The following STK32C variants were observed in gnomAD, a reference collection of about 807,000 sequenced individuals.
STK32C encodes the protein serine/threonine-protein kinase 32C.
In STK32C, 31 loss-of-function variants were observed where a neutral mutation model predicts 56.5. The observed-to-expected ratio is 0.55, with a 90% CI of 0.41 to 0.74. The LOEUF is 0.74. Ranked by LOEUF, STK32C falls within the 30% of genes least tolerant of loss-of-function variation. The probability of loss-of-function intolerance (pLI) is 0.00; values close to 1 mark genes in which losing one functional copy is unlikely to be tolerated. For synonymous variants in STK32C, 309 were observed against 289.4 expected, an observed-to-expected ratio of 1.07 and a Z score of -0.69; for missense variants, 544 against 676.9, an observed-to-expected ratio of 0.80 and a Z score of 2.18.
intron 2 of STK32C, among the ~76,000 whole-genome samples, chr10:132,241,350 A>C (rs2063494514): frequency 6.6e-6 from 1 of 152,220 alleles, no homozygotes; most frequent in African/African-American, 2.4e-5. Context: ...ACAATTTAAC[A>C]CTGGGAAAAG....
At chr10:132,309,809 C>T (rs1357635839), upstream of STK32C, among the ~76,000 whole-genome samples, 2 of 152,204 alleles carry the variant, frequency 1.3e-5, no homozygotes, top group African/African-American at 4.8e-5. Context: ...TCTGAACTTA[C>T]ATCATCGCCT....
intron 1 of STK32C, among the ~76,000 whole-genome samples, chr10:132,325,888 A>G (rs1483953793): frequency 1.3e-5 from 2 of 151,722 alleles, no homozygotes; most frequent in African/African-American, 2.4e-5. Context: ...CGCCCAGCTA[A>G]TTTTTTGTAT....
At chr10:132,222,294 A>C (rs2062704206) in intron 10 of STK32C, among the ~76,000 whole-genome samples, 1 of 150,528 alleles carries the variant, frequency 6.6e-6, no homozygotes, top group Non-Finnish European at 1.5e-5. Context: ...CCCGGCACAC[A>C]TACCTGATGC....
intron 2 of STK32C, among the ~76,000 whole-genome samples, chr10:132,229,376 A>G (rs2063014209): frequency 6.6e-6 from 1 of 152,202 alleles, no homozygotes; most frequent in South Asian, 2.1e-4. Context: ...ACACACCCGT[A>G]GTCCCAGCTA....
At chr10:132,209,326 T>C (rs774614044) in intron 10 of STK32C, 1 of 710,210 alleles carries the variant, frequency 1.4e-6, no homozygotes, top group South Asian at 1.5e-5. Context: ...CCCAGCTCCC[T>C]TGCCTCTGGG....
chr10:132,300,142 C>T (rs997983789), intron 1 of STK32C, among the ~76,000 whole-genome samples: 1 of 152,266 alleles, frequency 6.6e-6, no homozygotes. Flanking sequence ...CTTCTGCGTT[C>T]GGAGGACGGA....
At chr10:132,256,898 C>T (rs1565117548) in intron 1 of STK32C, among the ~76,000 whole-genome samples, 1 of 152,220 alleles carries the variant, frequency 6.6e-6, no homozygotes, top group East Asian at 1.9e-4. Flanking sequence ...CCTCCTGAGT[C>T]CTGAACCCTG....
At chr10:132,301,054 G>A (rs975500220) in intron 1 of STK32C, among the ~76,000 whole-genome samples, 1 of 151,910 alleles carries the variant, frequency 6.6e-6, no homozygotes, top group Non-Finnish European at 1.5e-5. Context: ...CCCAGATTCA[G>A]CTCTGAGCTT....
intron 1 of STK32C, chr10:132,249,152 G>C (rs1016546123): frequency 9.3e-6 from 4 of 431,896 alleles, no homozygotes; most frequent in Middle Eastern, 7.3e-4. Flanking sequence ...GCAGGGGGCG[G>C]GGCGTGCAGG....
At chr10:132,284,039 G>A (rs2065299289) in intron 1 of STK32C, among the ~76,000 whole-genome samples, 1 of 151,962 alleles carries the variant, frequency 6.6e-6, no homozygotes, top group Non-Finnish European at 1.5e-5. Context: ...CAAATTCCAG[G>A]ACTTGCTGCT....
chr10:132,266,576 AG>A (rs1247568037), intron 1 of STK32C, among the ~76,000 whole-genome samples: 1 of 152,150 alleles, frequency 6.6e-6, no homozygotes, highest in African/African-American at 2.4e-5. Context: ...CTTTGGCAGC[AG>A]GAAACTGAGG....
chr10:132,221,355 G>A (rs1246354359), intron 10 of STK32C, among the ~76,000 whole-genome samples: 7 of 143,146 alleles, frequency 4.9e-5, no homozygotes, highest in East Asian at 2.1e-4. Flanking sequence ...GCACCTGGGC[G>A]AGTGTGAGGG....
chr10:132,265,889 C>A (rs2138103782), intron 1 of STK32C, among the ~76,000 whole-genome samples: 1 of 152,318 alleles, frequency 6.6e-6, no homozygotes, highest in Non-Finnish European at 1.5e-5. Context: ...CCTTGACCCA[C>A]ATGCTAGGGG....
intron 10 of STK32C, among the ~76,000 whole-genome samples, chr10:132,210,703 A>G (rs533833981): frequency 1.3e-5 from 2 of 152,350 alleles, no homozygotes; most frequent in African/African-American, 4.8e-5. Context: ...CGCCAAGATA[A>G]AGGACAAGCG....
chr10:132,303,176 T>A (rs1425345346), intron 1 of STK32C, among the ~76,000 whole-genome samples: 1 of 152,076 alleles, frequency 6.6e-6, no homozygotes, highest in African/African-American at 2.4e-5. Context: ...AGGCCTCAGA[T>A]CCCTACAGGG....
chr10:132,218,177 G>A (rs767429267), intron 10 of STK32C, among the ~76,000 whole-genome samples: 16 of 152,104 alleles, frequency 1.1e-4, no homozygotes, highest in Non-Finnish European at 1.5e-4. Flanking sequence ...AATGAGCCAG[G>A]TGTGGTGGTG....
intron 1 of STK32C, among the ~76,000 whole-genome samples, chr10:132,275,106 AGGCAGCAGGTACTGTCCCT>A (rs1453123698): frequency 6.6e-6 from 1 of 152,176 alleles, no homozygotes; most frequent in African/African-American, 2.4e-5. Flanking sequence ...CAGGGGGCCC[AGGCAGCAGGTACTGTCCCT>A]GGTGCTGCCA....
chr10:132,225,494 C>G, intron 6 of STK32C, 33 bp downstream of exon 6: 1 of 1,612,846 alleles, frequency 6.2e-7, no homozygotes, highest in Non-Finnish European at 8.5e-7. Flanking sequence ...TGGAGGAAGC[C>G]AGCTCCCATC....
chr10:132,232,105 C>A (rs1163463011), intron 2 of STK32C, among the ~76,000 whole-genome samples: 1 of 152,242 alleles, frequency 6.6e-6, no homozygotes, highest in Non-Finnish European at 1.5e-5. Flanking sequence ...GCCTCACCTG[C>A]GCTCACGCTG....
Sources: allele counts gnomAD v4.1 joint callset (sites outside exome capture counted in the v4.1 genomes callset), GRCh38; gene constraint gnomAD v4.1.1; transcripts MANE v1.5; gene names NCBI Gene and HGNC (gene_info 2026-07-23, HGNC 2026-07-21).